Variants in RBFOX3 observed in about 807,000 individuals in gnomAD.
The protein encoded by RBFOX3 is RNA binding protein fox-1 homolog 3.
Under a neutral mutation model 48.7 loss-of-function variants are expected in RBFOX3, and 17 were observed. That is an observed-to-expected ratio of 0.35 (90% CI 0.24 to 0.52). The LOEUF (loss-of-function observed/expected upper bound fraction) is 0.52. Ranked by LOEUF, RBFOX3 falls within the 20% of genes least tolerant of loss-of-function variation. The probability of loss-of-function intolerance (pLI) is 0.94; values close to 1 mark genes in which losing one functional copy is unlikely to be tolerated. For synonymous variants in RBFOX3, 212 were observed against 209.5 expected, an observed-to-expected ratio of 1.01 and a Z score of -0.10; for missense variants, 382 against 497.5, an observed-to-expected ratio of 0.77 and a Z score of 2.21.
intron 1 of RBFOX3, among the ~76,000 whole-genome samples, chr17:79,485,387 G>A (rs1484922891): frequency 1.3e-5 from 2 of 152,102 alleles, no homozygotes; most frequent in Non-Finnish European, 2.9e-5. Flanking sequence ...AGAGGGGGAG[G>A]AATTAGAGGG....
intron 4 of RBFOX3, among the ~76,000 whole-genome samples, chr17:79,191,603 C>T (rs1295152234): frequency 6.6e-6 from 1 of 152,216 alleles, no homozygotes; most frequent in African/African-American, 2.4e-5. Flanking sequence ...TGCCAAGCTG[C>T]AGACAGGGGC....
intron 2 of RBFOX3, among the ~76,000 whole-genome samples, chr17:79,355,685 A>G (rs567091913): frequency 4.9e-4 from 74 of 152,068 alleles, no homozygotes; most frequent in African/African-American, 1.8e-3. Context: ...GGTTCAAGCA[A>G]TTCTCCTGCC....
chr17:79,256,380 C>T (rs138697057), intron 3 of RBFOX3, among the ~76,000 whole-genome samples: 2,254 of 152,316 alleles, frequency 0.015, 24 homozygotes, highest in Non-Finnish European at 0.018. Context: ...TGCCGGCCAC[C>T]GGCTCCGGGA....
At chr17:79,634,108 A>T in the RBFOX3 span, among the ~76,000 whole-genome samples, 1 of 152,134 alleles carries the variant, frequency 6.6e-6, no homozygotes, top group African/African-American at 2.4e-5. Context: ...CAGAGGTGGG[A>T]GGGGTGGCAG....
rs114567331 is a variant in RBFOX3, at chr17:79,147,161, G to A, written c.-33-31413C>T. Among the ~76,000 whole-genome samples, 1,124 of 152,264 alleles carry A rather than the reference G, an allele frequency of 7.4e-3. 20 individuals carry two copies. The highest frequency in any genetic ancestry group is 0.026 in the African/African-American group (1,077 of 41,558). On this transcript the variant is annotated intron_variant, in intron 4 of 14. Transcript: ENST00000693108. ...TCCAAGGCTGCTCCCTTGCCCTCCC[G>A]TCCGTGTCGTCCTCAGAGATGGCAC...
At chr17:79,189,396 G>A (rs143031554) in intron 4 of RBFOX3, among the ~76,000 whole-genome samples, 21 of 152,294 alleles carry the variant, frequency 1.4e-4, no homozygotes, top group African/African-American at 4.8e-4. Context: ...CTACTGTGCT[G>A]GGCTCATGCC....
rs2062594020 is a variant in RBFOX3, at chr17:79,242,864, C to A, written c.-73-7059G>T. 6.6e-6 allele frequency among the ~76,000 whole-genome samples: 1 copy of A among 152,200 alleles called. No individual in the cohort carries two copies. Among genetic ancestry groups the A allele is most frequent in the African/African-American group, 2.4e-5 (1 of 41,452 alleles). ...AAGCCCGGGCAGGGCTCCACAGCAA[C>A]CTGCCTGGAGTCCCACCTTCAAGGT... On this transcript the variant is annotated intron_variant, in intron 3 of 14. Coordinates refer to ENST00000693108, the MANE Select transcript of RBFOX3 (RefSeq NM_001350451.2). This position sits in a 1 kb window ranked among gnomAD's most constrained non-coding sequence, Gnocchi z 5.8.
chr17:79,298,717 G>A (rs1185972747), intron 3 of RBFOX3, among the ~76,000 whole-genome samples: 1 of 152,194 alleles, frequency 6.6e-6, no homozygotes, highest in African/African-American at 2.4e-5. Flanking sequence ...GCCCAGCTGG[G>A]GAAGCTGGGG....
rs2086635698 is a variant in RBFOX3, at chr17:79,362,820, G to A, written c.-174-54996C>T. 6.6e-6 allele frequency among the ~76,000 whole-genome samples: 1 copy of A among 152,194 alleles called. No individual in the cohort carries two copies. The highest frequency in any genetic ancestry group is 6.5e-5 in the Admixed American group (1 of 15,288). The stretch of plus-strand genomic sequence containing the variant: ...GCCACAGCTATGAGAGAGGGGTAAA[G>A]CGGGAACATCAGACAACCCTGAACG... On this transcript the variant is annotated intron_variant, in intron 2 of 14. Coordinates refer to ENST00000693108, the MANE Select transcript of RBFOX3 (RefSeq NM_001350451.2). The surrounding 1 kb of genome is among the most constrained non-coding windows in gnomAD (Gnocchi z 4.2).
rs2066440095 is a variant in RBFOX3, at chr17:79,421,815, G to A, written c.-175+60639C>T. On this transcript the variant is annotated intron_variant, in intron 2 of 14. Coordinates refer to ENST00000693108, the MANE Select transcript of RBFOX3 (RefSeq NM_001350451.2). The surrounding 1 kb of genome is among the most constrained non-coding windows in gnomAD (Gnocchi z 4.5). ...TGGGACAAGGGCAGAGAGAGAGAAG[G>A]GGAAGGAAGTGATCAGGTGCCGGAA... 6.6e-6 allele frequency among the ~76,000 whole-genome samples: 1 copy of A among 152,154 alleles called. No individual in the cohort carries two copies. The highest frequency in any genetic ancestry group is 2.1e-4 in the South Asian group (1 of 4,834).
chr17:79,267,335 T>C (rs1196819484), intron 3 of RBFOX3, among the ~76,000 whole-genome samples: 1 of 152,132 alleles, frequency 6.6e-6, no homozygotes, highest in East Asian at 1.9e-4. Flanking sequence ...GATCTCCAAG[T>C]TCTGTCCAGT....
At chr17:79,470,035 C>T (rs1006566132) in intron 2 of RBFOX3, among the ~76,000 whole-genome samples, 4 of 152,110 alleles carry the variant, frequency 2.6e-5, no homozygotes, top group South Asian at 2.1e-4. Context: ...GTCGTAGGCA[C>T]GTGTGGGGCC....
chr17:79,412,419 TGA>T (rs768657908), intron 2 of RBFOX3, among the ~76,000 whole-genome samples: 44 of 151,224 alleles, frequency 2.9e-4, no homozygotes, highest in South Asian at 2.5e-3. Flanking sequence ...TGAATGTGTG[TGA>T]GGTGTATACA....
intron 1 of RBFOX3, among the ~76,000 whole-genome samples, chr17:79,507,333 C>T (rs2083309086): frequency 6.6e-6 from 1 of 152,202 alleles, no homozygotes; most frequent in South Asian, 2.1e-4. Flanking sequence ...CCTGTCTCCT[C>T]TCAGCAGTAT....
the RBFOX3 span, among the ~76,000 whole-genome samples, chr17:79,649,744 G>C: frequency 6.6e-6 from 1 of 152,182 alleles, no homozygotes; most frequent in Non-Finnish European, 1.5e-5. Context: ...AATTTTTTAA[G>C]AGGTTTAATT....
At chr17:79,178,994 T>C (rs1368135242) in intron 4 of RBFOX3, among the ~76,000 whole-genome samples, 3 of 152,096 alleles carry the variant, frequency 2.0e-5, no homozygotes, top group African/African-American at 2.4e-5. Context: ...GGATACTCTC[T>C]AGCCACCCAT....
intron 4 of RBFOX3, among the ~76,000 whole-genome samples, chr17:79,131,015 T>A (rs149912271): frequency 6.6e-6 from 1 of 151,770 alleles, no homozygotes; most frequent in Non-Finnish European, 1.5e-5. Context: ...TGTGTGAGCA[T>A]GTGTGCCCCA....
chr17:79,209,694 C>T (rs994878118), intron 4 of RBFOX3, among the ~76,000 whole-genome samples: 1 of 152,040 alleles, frequency 6.6e-6, no homozygotes, highest in Non-Finnish European at 1.5e-5. Context: ...CTCACATGTG[C>T]TATGAAAGGA....
chr17:79,172,933 G>A (rs1225897654), intron 4 of RBFOX3, among the ~76,000 whole-genome samples: 1 of 152,348 alleles, frequency 6.6e-6, no homozygotes, highest in East Asian at 1.9e-4. Context: ...TACCAGACGG[G>A]TGAGGTGGCT....
Sources: allele counts gnomAD v4.1 joint callset (sites outside exome capture counted in the v4.1 genomes callset), GRCh38; gene constraint gnomAD v4.1.1; non-coding constraint Gnocchi (gnomAD v3.1); transcripts MANE v1.5; gene names NCBI Gene and HGNC (gene_info 2026-07-23, HGNC 2026-07-21).